IPMK: variants seen among roughly 807,000 people sequenced by gnomAD.
IPMK encodes inositol 1,3,4,6-tetrakisphosphate 5-kinase.
A neutral mutation model predicts 45.8 loss-of-function variants in IPMK; 17 were observed. That is an observed-to-expected ratio of 0.37 (90% confidence interval 0.25 to 0.56). The LOEUF is 0.56. Among genes scored for constraint, IPMK ranks in the 20% least tolerant of loss-of-function variants. IPMK has a pLI of 0.79. For missense variants in IPMK, 399 were observed against 498.0 expected (o/e 0.80, Z 1.89); for synonymous variants, 180 against 184.3 (o/e 0.98, Z 0.19).
intron 1 of IPMK, among the ~76,000 whole-genome samples, chr10:58,247,696 C>T (rs1196938983): frequency 2.6e-5 from 4 of 152,130 alleles, no homozygotes; most frequent in African/African-American, 7.2e-5. Flanking sequence ...GGGAGATATA[C>T]CTAATGCTAG....
At position 58,239,283 on chromosome 10, in the gene IPMK, T is replaced by A. The variant is rs538091377; in HGVS notation, c.191-1469A>T. ...GAGTAGTCCAATATAACTAAAAATT[T>A]CTGAAGAAGAATTCTGTTCCTGAAG... is the stretch of plus-strand genomic sequence containing the variant. On this transcript the variant is annotated intron_variant, in intron 1 of 5. Transcript: ENST00000373935. Among the ~76,000 whole-genome samples, 7 of 152,304 alleles carry A rather than the reference T, an allele frequency of 4.6e-5. No individual in the cohort carries two copies. In the East Asian group the frequency reaches 7.7e-4, roughly 17 times the overall value.
chr10:58,211,615 T>C (rs1459430240), intron 4 of IPMK, among the ~76,000 whole-genome samples: 2 of 152,030 alleles, frequency 1.3e-5, no homozygotes, highest in African/African-American at 4.8e-5. Flanking sequence ...CCAGCACTGC[T>C]TGGGATTGCC....
chr10:58,252,189 T>C (rs1838890278), intron 1 of IPMK, among the ~76,000 whole-genome samples: 1 of 152,244 alleles, frequency 6.6e-6, no homozygotes, highest in Admixed American at 6.5e-5. Flanking sequence ...AAAAAACATC[T>C]TGTAGTTACA....
rs1464675420 is a variant in IPMK, at chr10:58,199,321, C to T, written c.547G>A (p.Val183Ile). 6.3e-7 allele frequency: 1 copy of T among 1,596,642 alleles called. No individual in the cohort carries two copies. The highest frequency in any genetic ancestry group is 8.5e-7 in the Non-Finnish European group (1 of 1,170,818). ...TAGCTATCGGAATGAACATGATAAA[C>T]CTGTCAAAAAAAGCAGTGAATATTA... ...EIGFLVLGMR[V>I]YHVHSDSYET... The change falls in exon 5 of 6, where the codon GTT becomes ATT. Residue 183 changes from valine to isoleucine, a missense_variant and splice_region_variant. Val to Ile is a conservative substitution (Grantham distance 29, BLOSUM62 3). This residue lies in a region of IPMK where 288 missense variants were observed against 398.0 expected (regional missense o/e 0.72). Transcript: ENST00000373935.
At chr10:58,210,668 C>T (rs142557676) in intron 4 of IPMK, among the ~76,000 whole-genome samples, 33 of 152,278 alleles carry the variant, frequency 2.2e-4, no homozygotes, top group Admixed American at 1.2e-3. Flanking sequence ...TTACATTTTA[C>T]GTGGCCCCCT....
At chr10:58,244,811 G>A (rs1046890301) in intron 1 of IPMK, among the ~76,000 whole-genome samples, 6 of 152,102 alleles carry the variant, frequency 3.9e-5, no homozygotes, top group Admixed American at 2.0e-4. Context: ...GGCGGTGCAC[G>A]ATGTGCTTGG....
intron 1 of IPMK, among the ~76,000 whole-genome samples, chr10:58,257,758 C>T (rs1384524481): frequency 1.3e-5 from 2 of 151,970 alleles, no homozygotes; most frequent in South Asian, 2.1e-4. Flanking sequence ...CTCATAAGAA[C>T]GTTTGATATA....
chr10:58,229,219 T>A (rs1268211221), intron 2 of IPMK, among the ~76,000 whole-genome samples: 1 of 152,054 alleles, frequency 6.6e-6, no homozygotes, highest in African/African-American at 2.4e-5. Context: ...ATTTTTTTTT[T>A]AAATACTAGG....
intron 4 of IPMK, among the ~76,000 whole-genome samples, chr10:58,209,548 C>A (rs577443741): frequency 6.6e-4 from 101 of 152,312 alleles, no homozygotes; most frequent in African/African-American, 2.3e-3. Context: ...AGCAAGGCTA[C>A]CTGGCTCCAG....
intron 1 of IPMK, among the ~76,000 whole-genome samples, chr10:58,257,355 C>T (rs1424724496): frequency 6.6e-6 from 1 of 151,922 alleles, no homozygotes; most frequent in African/African-American, 2.4e-5. Context: ...ATTAGCTGGG[C>T]ATGGTGGCAT....
intron 2 of IPMK, among the ~76,000 whole-genome samples, 160 bp from the exon 3 acceptor site, chr10:58,227,299 T>C (rs1838433191): frequency 7.7e-6 from 1 of 130,102 alleles, no homozygotes; most frequent in African/African-American, 3.8e-5. Flanking sequence ...GTGTCTCCAA[T>C]GAGTAACTAT....
chr10:58,254,715 C>T (rs563362865), intron 1 of IPMK, among the ~76,000 whole-genome samples: 2 of 152,308 alleles, frequency 1.3e-5, no homozygotes, highest in African/African-American at 4.8e-5. Context: ...TTTTTAGTAT[C>T]AGAACTTAAA....
rs1837846030 is a variant in IPMK, at chr10:58,193,507, T to C, written c.*2569A>G. On this transcript the variant is annotated 3_prime_UTR_variant, in exon 6 of 6. Transcript: ENST00000373935. The stretch of plus-strand genomic sequence containing the variant: ...TATCATTGATTTTAATTTATTTGAA[T>C]CTATGCAATGTCTATCCATATTAAA... The C allele has an allele frequency of 6.6e-6, 1 of 151,868 alleles. No homozygotes were observed. Among genetic ancestry groups the C allele is most frequent in the Admixed American group, 6.6e-5 (1 of 15,250 alleles). 9.4% of individuals were successfully genotyped at this position (151,868 alleles called of 1,614,324 possible).
At chr10:58,200,982 C>G (rs181372210) in intron 4 of IPMK, among the ~76,000 whole-genome samples, 16 of 151,676 alleles carry the variant, frequency 1.1e-4, no homozygotes, top group Admixed American at 3.9e-4. Flanking sequence ...GTTTTTCCCA[C>G]GCAGAAATCA....
At chr10:58,238,161 A>G (rs1011271849) in intron 1 of IPMK, among the ~76,000 whole-genome samples, 1 of 152,264 alleles carries the variant, frequency 6.6e-6, no homozygotes, top group African/African-American at 2.4e-5. Context: ...GAAGCAAGTT[A>G]AAAGCAATAG....
chr10:58,249,432 TG>T (rs777487145), intron 1 of IPMK, among the ~76,000 whole-genome samples: 9 of 152,214 alleles, frequency 5.9e-5, no homozygotes, highest in Non-Finnish European at 1.2e-4. Context: ...AATATCTCAT[TG>T]TTTTTTATAC....
At chr10:58,243,755 A>C (rs1045061501) in intron 1 of IPMK, among the ~76,000 whole-genome samples, 1 of 152,140 alleles carries the variant, frequency 6.6e-6, no homozygotes, top group Non-Finnish European at 1.5e-5. Flanking sequence ...TGGCCTCCCA[A>C]AGTGCTAAGA....
chr10:58,267,170 G>A (rs1025308651), intron 1 of IPMK, among the ~76,000 whole-genome samples: 2 of 152,180 alleles, frequency 1.3e-5, no homozygotes, highest in Non-Finnish European at 2.9e-5. Flanking sequence ...CTGGGGGGTG[G>A]GTGAGACCAG....
intron 4 of IPMK, among the ~76,000 whole-genome samples, chr10:58,214,501 A>T: frequency 6.6e-6 from 1 of 152,210 alleles, no homozygotes; most frequent in East Asian, 1.9e-4. Context: ...TTTTAACTGT[A>T]TTCCATTACC....
Sources: gnomAD v4.1 joint callset for allele counts (sites outside exome capture counted in the v4.1 genomes callset) on GRCh38, gnomAD v4.1.1 for gene constraint, gnomAD v4.1.1 regional missense constraint, MANE v1.5 for transcripts, NCBI Gene and HGNC (gene_info 2026-07-23, HGNC 2026-07-21) for gene names.